FSTL4: variants seen among roughly 807,000 people sequenced by gnomAD.
The protein encoded by FSTL4 is follistatin-related protein 4.
In FSTL4, 28 loss-of-function variants were observed where a neutral mutation model predicts 78.2. That is an observed-to-expected ratio of 0.36 (90% CI 0.27 to 0.49). FSTL4 has a LOEUF of 0.49. Among genes scored for constraint, FSTL4 ranks in the 20% least tolerant of loss-of-function variants. The probability of loss-of-function intolerance (pLI) is 0.98; values close to 1 mark genes in which losing one functional copy is unlikely to be tolerated. For missense variants in FSTL4, 922 were observed against 1,084.9 expected, an observed-to-expected ratio of 0.85 and a Z score of 2.11; for synonymous variants, 422 against 440.5, an observed-to-expected ratio of 0.96 and a Z score of 0.53.
At chr5:133,764,425 C>T in the FSTL4 span, among the ~76,000 whole-genome samples, 1 of 152,144 alleles carries the variant, frequency 6.6e-6, no homozygotes, top group Admixed American at 6.5e-5. Context: ...ACCTGGGGAC[C>T]CAGCAGAGAA....
the FSTL4 span, among the ~76,000 whole-genome samples, chr5:133,765,125 C>T: frequency 6.6e-6 from 1 of 152,168 alleles, no homozygotes; most frequent in Non-Finnish European, 1.5e-5. Context: ...AATTCTTCTG[C>T]GAAGCAAGGG....
the FSTL4 span, among the ~76,000 whole-genome samples, chr5:133,623,547 G>A: frequency 7.2e-5 from 11 of 151,934 alleles, no homozygotes; most frequent in Non-Finnish European, 1.5e-4. Flanking sequence ...CTAAACTCTT[G>A]GGGGGAAATC....
At chr5:133,794,098 T>C in the FSTL4 span, among the ~76,000 whole-genome samples, 1 of 152,188 alleles carries the variant, frequency 6.6e-6, no homozygotes, top group East Asian at 1.9e-4. Flanking sequence ...AACATGGGGC[T>C]GCACCTCTGG....
At chr5:133,735,531 C>T in the FSTL4 span, among the ~76,000 whole-genome samples, 2 of 152,174 alleles carry the variant, frequency 1.3e-5, no homozygotes. Flanking sequence ...TTGTCATTCC[C>T]TTCACCAAAA....
the FSTL4 span, among the ~76,000 whole-genome samples, chr5:133,723,592 G>A: frequency 1.3e-5 from 2 of 152,160 alleles, no homozygotes; most frequent in African/African-American, 4.8e-5. Flanking sequence ...GAGAGGTGGC[G>A]TGCCTCAGCA....
At chr5:133,242,178 T>A (rs138735358) in intron 7 of FSTL4, among the ~76,000 whole-genome samples, 1 of 152,148 alleles carries the variant, frequency 6.6e-6, no homozygotes, top group Non-Finnish European at 1.5e-5. Context: ...AGACAAAACC[T>A]GAAACAGCTG....
chr5:133,770,255 G>T, the FSTL4 span, among the ~76,000 whole-genome samples: 5 of 152,166 alleles, frequency 3.3e-5, no homozygotes, highest in East Asian at 7.7e-4. Flanking sequence ...ATACTCAGTT[G>T]CTGGATTGAA....
intron 1 of FSTL4, among the ~76,000 whole-genome samples, chr5:133,605,977 C>G (rs572044796): frequency 3.3e-5 from 5 of 152,154 alleles, no homozygotes; most frequent in Non-Finnish European, 5.9e-5. Flanking sequence ...AGTCACGGCA[C>G]TCCCTCCCCT....
At chr5:133,335,522 C>G (rs1754444381) in intron 4 of FSTL4, among the ~76,000 whole-genome samples, 1 of 152,066 alleles carries the variant, frequency 6.6e-6, no homozygotes, top group African/African-American at 2.4e-5. Context: ...GCAAGCCACC[C>G]CCGGACAGGC....
At chr5:133,399,164 T>C (rs1756154205) in intron 4 of FSTL4, among the ~76,000 whole-genome samples, 1 of 152,160 alleles carries the variant, frequency 6.6e-6, no homozygotes, top group South Asian at 2.1e-4. Flanking sequence ...TTGAAGGATA[T>C]TGGAAACCAG....
intron 3 of FSTL4, among the ~76,000 whole-genome samples, chr5:133,422,766 C>T (rs976218117): frequency 1.3e-5 from 2 of 152,176 alleles, no homozygotes; most frequent in Middle Eastern, 3.2e-3. Context: ...AGACAATTAT[C>T]GAGCATGGTA....
At chr5:133,447,738 C>T (rs904569494) in intron 3 of FSTL4, among the ~76,000 whole-genome samples, 2 of 152,182 alleles carry the variant, frequency 1.3e-5, no homozygotes, top group Non-Finnish European at 2.9e-5. Flanking sequence ...CAGGGTTTCG[C>T]CATGTTGGCC....
intron 4 of FSTL4, among the ~76,000 whole-genome samples, chr5:133,335,917 T>C (rs975498301): frequency 1.1e-4 from 16 of 152,152 alleles, no homozygotes; most frequent in Admixed American, 6.5e-4. Flanking sequence ...TCCCAAGCTA[T>C]GTGGTTTGCA....
the FSTL4 span, among the ~76,000 whole-genome samples, chr5:133,679,547 C>T: frequency 7.2e-5 from 11 of 152,204 alleles, no homozygotes; most frequent in East Asian, 1.4e-3. Flanking sequence ...CCCATCACTT[C>T]GGGGAAGCCA....
chr5:133,197,728 T>C lies in FSTL4; in HGVS notation c.*1367A>G, dbSNP rs937292454. ...ACCCGTGTGGCTTGCAAAATGATCATTCAAACCAGGACACATGTAAGTTCC... is the reference window on the plus strand; with the variant it reads ...ACCCGTGTGGCTTGCAAAATGATCACTCAAACCAGGACACATGTAAGTTCC... On this transcript the variant is annotated 3_prime_UTR_variant, in exon 16 of 16. Transcript: ENST00000265342. The C allele has an allele frequency of 2.0e-5, 3 of 152,200 alleles. No homozygotes were observed. The highest frequency in any genetic ancestry group is 7.2e-5 in the African/African-American group (3 of 41,450). The allele number at this position is 152,200 out of a possible 1,614,324, so 9.4% of individuals were successfully genotyped here. A position where few individuals can be genotyped will look rare whatever the true frequency, so the allele number is the denominator to read the frequency against.
intron 4 of FSTL4, among the ~76,000 whole-genome samples, chr5:133,331,801 T>C (rs80080741): frequency 0.016 from 2,497 of 152,244 alleles, 94 homozygotes; most frequent in African/African-American, 0.056. Context: ...TCGGGAGATC[T>C]TTGGAGTATT....
chr5:133,199,618 G>A lies in FSTL4; in HGVS notation c.2006C>T (p.Ala669Val). ...QCRQDSPASA[A>V]RQLLVDSVTD... ...GACACTGTCAACGAGCAGCTGTCGG[G>A]CAGCAGAGGCGGGGCTGTCCTGTCG... The change falls in exon 16 of 16, where the codon GCC (alanine) becomes GTC (valine). Residue 669 changes from alanine to valine, a missense_variant. Physicochemically the swap from Ala to Val is moderately conservative, Grantham distance 64. Transcript: ENST00000265342. The surrounding 1 kb of genome is among the most constrained non-coding windows in gnomAD (Gnocchi z 4.4). 1 of 1,614,186 alleles carries A rather than the reference G, an allele frequency of 6.2e-7. No individual in the cohort carries two copies. The highest frequency in any genetic ancestry group is 8.5e-7 in the Non-Finnish European group (1 of 1,180,030).
chr5:133,838,336 T>C, the FSTL4 span, among the ~76,000 whole-genome samples: 17 of 152,236 alleles, frequency 1.1e-4, no homozygotes, highest in African/African-American at 3.9e-4. Flanking sequence ...CCCTAAAACT[T>C]AGTGGCTTAA....
intron 4 of FSTL4, among the ~76,000 whole-genome samples, chr5:133,339,588 G>A (rs1437416011): frequency 6.6e-6 from 1 of 152,156 alleles, no homozygotes; most frequent in African/African-American, 2.4e-5. Flanking sequence ...ACAAACATGT[G>A]CCAGATAAAC....
Sources: allele counts gnomAD v4.1 joint callset (sites outside exome capture counted in the v4.1 genomes callset), GRCh38; gene constraint gnomAD v4.1.1; non-coding constraint Gnocchi (gnomAD v3.1); transcripts MANE v1.5; gene names NCBI Gene and HGNC (gene_info 2026-07-23, HGNC 2026-07-21).